CARMIL1: variants seen among roughly 807,000 people sequenced by gnomAD.
The protein encoded by CARMIL1 is F-actin-uncapping protein LRRC16A.
A neutral mutation model predicts 177.1 loss-of-function variants in CARMIL1; 90 were observed. That is an observed-to-expected ratio of 0.51 (90% confidence interval 0.43 to 0.61). The LOEUF is 0.61. Ranked by LOEUF, CARMIL1 falls within the 20% of genes least tolerant of loss-of-function variation. The probability of loss-of-function intolerance (pLI) is 0.00; values close to 1 mark genes in which losing one functional copy is unlikely to be tolerated. For synonymous variants in CARMIL1, 577 were observed against 606.2 expected (o/e 0.95, Z 0.71); for missense variants, 1,380 against 1,667.0 (o/e 0.83, Z 3.00).
chr6:25,329,407 A>G (rs569772843), intron 2 of CARMIL1, among the ~76,000 whole-genome samples: 3 of 152,238 alleles, frequency 2.0e-5, no homozygotes, highest in African/African-American at 4.8e-5. Context: ...GCAATTTGTC[A>G]TTGTCCTCAA....
chr6:25,488,495 T>G lies in CARMIL1; in HGVS notation c.975T>G (p.Leu325=). ...TTGATGTTGCAGGGGTGAACAGCCT[T>G]TCTCAGTCACTCAGTGCCAATCCAT... ...TSLSPKGVNS[L]SQSLSANPLT... Residue 325 remains leucine, a synonymous_variant, in exon 13 of 37, where the codon CTT becomes CTG. Transcript: ENST00000329474. 6.2e-7 allele frequency: 1 copy of G among 1,613,932 alleles called. No individual in the cohort carries two copies. The highest frequency in any genetic ancestry group is 2.2e-5 in the East Asian group (1 of 44,882).
chr6:25,448,326 C>A (rs1198731037), intron 5 of CARMIL1, among the ~76,000 whole-genome samples: 1 of 152,096 alleles, frequency 6.6e-6, no homozygotes, highest in Non-Finnish European at 1.5e-5. Context: ...TTGCCTTGCT[C>A]CCCAGATTCT....
intron 9 of CARMIL1, among the ~76,000 whole-genome samples, chr6:25,469,532 TTG>T (rs35568793): frequency 3.3e-5 from 5 of 150,968 alleles, no homozygotes; most frequent in Non-Finnish European, 4.4e-5. Flanking sequence ...TAAAATCACT[TTG>T]TGTGTGTGTG....
In CARMIL1 at chr6:25,491,801, C is replaced by T; in HGVS notation, c.1135C>T (p.Leu379=). The change falls in exon 14 of 37, where the codon CTG becomes TTG. Residue 379 remains leucine (L), a synonymous_variant. Transcript: ENST00000329474. The stretch of plus-strand genomic sequence containing the variant: ...GGATTTATCCAATACAGAATGTTCC[C>T]TGGACATGGTAAATTTAAAATATAT... The part of the protein sequence containing the change: ...HLDLSNTECS[L]DMVCGALLRG... 6.3e-7 allele frequency: 1 copy of T among 1,592,844 alleles called. No individual in the cohort carries two copies. The highest frequency in any genetic ancestry group is 1.1e-5 in the South Asian group (1 of 87,748).
rs543986123 is a variant in CARMIL1, at chr6:25,607,246, A to G, written c.3847+973A>G. ...TTTTTTAATTTAACTTACCATTATA[A>G]GAATTTTCAAACATATACAAAAGTA... is the stretch of plus-strand genomic sequence containing the variant. On this transcript the variant is annotated intron_variant, in intron 35 of 36. Transcript: ENST00000329474. Among the ~76,000 whole-genome samples the G allele has an allele frequency of 5.9e-5, 9 of 152,186 alleles. No individual in the cohort carries two copies. In the South Asian group the frequency reaches 1.9e-3, roughly 32 times the overall value.
At chr6:25,429,146 G>A (rs1287749211) in intron 4 of CARMIL1, among the ~76,000 whole-genome samples, 1 of 152,156 alleles carries the variant, frequency 6.6e-6, no homozygotes, top group East Asian at 1.9e-4. Flanking sequence ...AGGGTTGATA[G>A]CAATGAGCAT....
At position 25,296,935 on chromosome 6, in the gene CARMIL1, T is replaced by TCTTTAACTAACTAAC. The variant is rs11414122; in HGVS notation, c.138+12026_138+12027insCTTTAACTAACTAAC. Among the ~76,000 whole-genome samples the TCTTTAACTAACTAAC allele has an allele frequency of 2.1e-4, 29 of 136,438 alleles. No individual in the cohort carries two copies. The South Asian group carries it at 3.9e-3, about 18-fold the overall frequency. The allele number at this position is 136,438 out of a possible 152,430, so 89.5% of individuals were successfully genotyped here. ...TATCTATCTATCTATCTATCTATCTTTAACTAACTAACTAACTAACTAACT... is the reference window on the plus strand; with the variant it reads ...TATCTATCTATCTATCTATCTATCTTCTTTAACTAACTAACTAACTAACTAACTAACTAACTAACT... On this transcript the variant is annotated intron_variant, in intron 2 of 36. Transcript: ENST00000329474.
In CARMIL1 at chr6:25,511,753, C is replaced by G. The variant is rs115180976; in HGVS notation, c.1632+991C>G. 6.7e-3 allele frequency among the ~76,000 whole-genome samples: 1,023 copies of G among 152,292 alleles called. 8 individuals carry two copies. Among genetic ancestry groups the G allele is most frequent in the Middle Eastern group, 0.031 (9 of 294 alleles). On this transcript the variant is annotated intron_variant, in intron 20 of 36. Coordinates refer to ENST00000329474, the MANE Select transcript of CARMIL1 (RefSeq NM_017640.6). ...AGGATAGACACTGGACACTTCCTCACTTGCCGTTGCCCCCACTTCTTTGAC... is the reference window on the plus strand; with the variant it reads ...AGGATAGACACTGGACACTTCCTCAGTTGCCGTTGCCCCCACTTCTTTGAC...
intron 22 of CARMIL1, among the ~76,000 whole-genome samples, chr6:25,517,679 G>A (rs1272538901): frequency 1.3e-5 from 2 of 152,298 alleles, no homozygotes; most frequent in African/African-American, 4.8e-5. Flanking sequence ...GAGATCGCGG[G>A]AAAGGGGCTG....
At chr6:25,293,305 T>TGTGTGTGTGTGTGTG (rs1782132266) in intron 2 of CARMIL1, among the ~76,000 whole-genome samples, 2 of 147,110 alleles carry the variant, frequency 1.4e-5, no homozygotes, top group African/African-American at 2.6e-5. Flanking sequence ...TGTGTGTGTG[T>TGTGTGTGTGTGTGTG]TTTGTAGCAG....
intron 2 of CARMIL1, among the ~76,000 whole-genome samples, chr6:25,353,966 A>G (rs1257435538): frequency 1.3e-5 from 2 of 152,190 alleles, no homozygotes; most frequent in African/African-American, 2.4e-5. Flanking sequence ...TTTCACAACT[A>G]GGAATGGGGT....
intron 5 of CARMIL1, among the ~76,000 whole-genome samples, chr6:25,436,786 A>T (rs1473335086): frequency 1.3e-5 from 2 of 152,024 alleles, no homozygotes; most frequent in Non-Finnish European, 2.9e-5. Flanking sequence ...TGGTTCTCTG[A>T]TTATCAGGGT....
At chr6:25,545,945 G>A (rs1294508742) in intron 26 of CARMIL1, among the ~76,000 whole-genome samples, 1 of 152,184 alleles carries the variant, frequency 6.6e-6, no homozygotes, top group East Asian at 1.9e-4. Flanking sequence ...TATTGGAAGT[G>A]AGGAGAGCCT....
intron 2 of CARMIL1, among the ~76,000 whole-genome samples, chr6:25,408,734 A>G (rs1794633434): frequency 6.6e-6 from 1 of 151,912 alleles, no homozygotes; most frequent in South Asian, 2.1e-4. Context: ...TTGGGGCTGT[A>G]TAGAAAGTGT....
chr6:25,616,224 G>C (rs1816878417), intron 36 of CARMIL1, among the ~76,000 whole-genome samples: 1 of 152,150 alleles, frequency 6.6e-6, no homozygotes, highest in Admixed American at 6.6e-5. Flanking sequence ...AGCTGCCTAA[G>C]AGGAGGTCTG....
intron 2 of CARMIL1, among the ~76,000 whole-genome samples, chr6:25,410,195 C>CTAA (rs1794787256): frequency 6.8e-6 from 1 of 147,346 alleles, no homozygotes; most frequent in South Asian, 2.1e-4. Flanking sequence ...GATGAAAATG[C>CTAA]TAATATAACA....
At chr6:25,413,385 G>A (rs972350294) in intron 2 of CARMIL1, among the ~76,000 whole-genome samples, 1 of 152,208 alleles carries the variant, frequency 6.6e-6, no homozygotes, top group Non-Finnish European at 1.5e-5. Flanking sequence ...TAGAGAGCAT[G>A]AATTTATGGA....
chr6:25,396,550 C>T (rs894380875), intron 2 of CARMIL1, among the ~76,000 whole-genome samples: 23 of 151,704 alleles, frequency 1.5e-4, no homozygotes, highest in Non-Finnish European at 3.2e-4. Context: ...TTAGTAGAGA[C>T]GGGGTTTCAC....
chr6:25,332,793 T>TACACACACACGCAC (rs1785814864), intron 2 of CARMIL1, among the ~76,000 whole-genome samples: 2 of 72,246 alleles, frequency 2.8e-5, no homozygotes, highest in Non-Finnish European at 6.8e-5. Flanking sequence ...ACACACACAC[T>TACACACACACGCAC]TCTTTTAGGG....
Sources: gnomAD v4.1 joint callset for allele counts (sites outside exome capture counted in the v4.1 genomes callset) on GRCh38, gnomAD v4.1.1 for gene constraint, MANE v1.5 for transcripts, NCBI Gene and HGNC (gene_info 2026-07-23, HGNC 2026-07-21) for gene names.